The following FAM72D variants were observed in gnomAD, a reference collection of about 807,000 sequenced individuals.
FAM72D encodes the protein RUMY family member 4.
For synonymous variants in FAM72D, 4 were observed against 35.1 expected (o/e 0.11, Z 3.13); for missense variants, 9 against 104.7 (o/e 0.09, Z 3.99).
chr1:145,102,698 C>T (rs1438506920), intron 2 of FAM72D, among the ~76,000 whole-genome samples: 3 of 100,538 alleles, frequency 3.0e-5, no homozygotes, highest in Non-Finnish European at 6.3e-5. Flanking sequence ...ACCTGGGAGG[C>T]GGAGGTTGCA....
intron 2 of FAM72D, among the ~76,000 whole-genome samples, chr1:145,100,822 G>A (rs1333001755): frequency 9.9e-5 from 15 of 150,952 alleles, no homozygotes; most frequent in Admixed American, 8.5e-4. Context: ...TTTTAGTAGA[G>A]ACAGGATTTC....
chr1:145,107,618 C>T (rs1190742057), intron 3 of FAM72D, among the ~76,000 whole-genome samples: 88 of 75,234 alleles, frequency 1.2e-3, no homozygotes, highest in African/African-American at 4.4e-3. Context: ...AGAGCAGTGG[C>T]GTGATCTCGG....
At chr1:145,101,950 C>G (rs1246111967) in intron 2 of FAM72D, among the ~76,000 whole-genome samples, 5 of 106,614 alleles carry the variant, frequency 4.7e-5, no homozygotes, top group Admixed American at 4.5e-4. Flanking sequence ...TAAGACTAAG[C>G]TTGAATAAGA....
chr1:145,100,531 G>T (rs9802973), intron 2 of FAM72D, among the ~76,000 whole-genome samples: 1 of 127,988 alleles, frequency 7.8e-6, no homozygotes, highest in Non-Finnish European at 1.6e-5. Flanking sequence ...TTGCTCTGTC[G>T]CCCAGGCTAG....
At chr1:145,101,894 C>A (rs1237574845) in intron 2 of FAM72D, among the ~76,000 whole-genome samples, 1 of 111,498 alleles carries the variant, frequency 9.0e-6, no homozygotes, top group Non-Finnish European at 1.8e-5. Context: ...TTATAGTAAT[C>A]TTTATTGGGT....
chr1:145,107,386 A>G (rs1470057167), intron 3 of FAM72D, among the ~76,000 whole-genome samples: 1 of 117,340 alleles, frequency 8.5e-6, no homozygotes, highest in Non-Finnish European at 1.7e-5. Context: ...GCGAGATTAC[A>G]GGCATACGCC....
In FAM72D at chr1:145,112,395, G is replaced by A. The variant is rs1432513988; in HGVS notation, c.*798G>A. On this transcript the variant is annotated 3_prime_UTR_variant, in exon 4 of 4. Transcript: ENST00000400889. ...ACTAAAGCGATTTGCTTAAGCCATT[G>A]TACATTATAAAGAGCTGTTTTGTTT... is the stretch of plus-strand genomic sequence containing the variant. The A allele has an allele frequency of 6.6e-6, 1 of 151,116 alleles. No individual in the cohort carries two copies. The highest frequency in any genetic ancestry group is 2.4e-5 in the African/African-American group (1 of 40,826). 9.4% of individuals were successfully genotyped at this position (151,116 alleles called of 1,614,324 possible).
intron 3 of FAM72D, among the ~76,000 whole-genome samples, chr1:145,107,626 C>T (rs1203896677): frequency 2.7e-5 from 2 of 74,590 alleles, no homozygotes; most frequent in East Asian, 3.2e-4. Flanking sequence ...GGCGTGATCT[C>T]GGCTCACCGC....
chr1:145,106,654 AGTCTTAAGTGGGTGTG>A (rs1369133419), intron 3 of FAM72D, among the ~76,000 whole-genome samples: 1 of 139,602 alleles, frequency 7.2e-6, no homozygotes, highest in Non-Finnish European at 1.5e-5. Context: ...TTAAGTTTGC[AGTCTTAAGTGGGTGTG>A]GTCTTAAGTG....
intron 3 of FAM72D, among the ~76,000 whole-genome samples, chr1:145,107,082 C>T (rs1181867928): frequency 2.8e-4 from 28 of 98,286 alleles, no homozygotes; most frequent in Non-Finnish European, 4.8e-4. Context: ...TGCAGTAAGC[C>T]GAGGTGGCAC....
intron 3 of FAM72D, among the ~76,000 whole-genome samples, chr1:145,105,691 G>A (rs9723166): frequency 5.3e-5 from 8 of 150,664 alleles, no homozygotes; most frequent in African/African-American, 1.7e-4. Context: ...GGTGGCTCAC[G>A]CCTGTAATCC....
At chr1:145,100,595 G>A (rs1434391428) in intron 2 of FAM72D, among the ~76,000 whole-genome samples, 5 of 138,728 alleles carry the variant, frequency 3.6e-5, no homozygotes, top group African/African-American at 1.1e-4. Flanking sequence ...AGGTTCAAGC[G>A]AATCTCCTGC....
At chr1:145,105,883 C>T (rs9778192) in intron 3 of FAM72D, among the ~76,000 whole-genome samples, 14 of 140,528 alleles carry the variant, frequency 1.0e-4, no homozygotes, top group Admixed American at 2.9e-4. Context: ...ACCCGGGAGG[C>T]GGAGGTTGCG....
chr1:145,105,719 A>G (rs1295547566), intron 3 of FAM72D, among the ~76,000 whole-genome samples: 10 of 150,712 alleles, frequency 6.6e-5, no homozygotes, highest in Non-Finnish European at 1.3e-4. Flanking sequence ...TTGGGAGGCC[A>G]AGGCGGGCAG....
chr1:145,112,282 A>G lies in FAM72D; in HGVS notation c.*685A>G, dbSNP rs1332664625. 1.3e-5 allele frequency: 2 copies of G among 150,376 alleles called. No individual in the cohort carries two copies. The highest frequency in any genetic ancestry group is 3.0e-5 in the Non-Finnish European group (2 of 67,556). The allele number at this position is 150,376 out of a possible 1,614,324, so 9.3% of individuals were successfully genotyped here. A position where few individuals can be genotyped will look rare whatever the true frequency, so the allele number is the denominator to read the frequency against. ...ATATTGTATTATGAGAGCTAAACCT[A>G]AATAAGTTATCCTGTTCCCTAGGAC... On this transcript the variant is annotated 3_prime_UTR_variant, in exon 4 of 4. Coordinates refer to ENST00000400889, the MANE Select transcript of FAM72D (RefSeq NM_207418.3).
rs190790581 is a variant in FAM72D at position 145,104,173 on chromosome 1, T to G, written c.355+1042T>G. ...CTCAAAAAAGAAAAAAAAAATGCTT[T>G]ATTGCTAAAAACTGCTAATGATCAT... On this transcript the variant is annotated intron_variant, in intron 3 of 3. Transcript: ENST00000400889. Among the ~76,000 whole-genome samples, 199 of 149,504 alleles carry G rather than the reference T, an allele frequency of 1.3e-3. 3 individuals carry two copies. The highest frequency in any genetic ancestry group is 4.0e-3 in the South Asian group (19 of 4,772).
At chr1:145,102,614 A>G (rs1226471082) in intron 2 of FAM72D, among the ~76,000 whole-genome samples, 2 of 29,500 alleles carry the variant, frequency 6.8e-5, no homozygotes, top group Non-Finnish European at 1.3e-4. Context: ...TAATAACACA[A>G]AAGTTAGCTG....
At chr1:145,105,271 A>G (rs1654864413) in intron 3 of FAM72D, among the ~76,000 whole-genome samples, 1 of 10,644 alleles carries the variant, frequency 9.4e-5, no homozygotes, top group African/African-American at 3.8e-4. Flanking sequence ...ATCCTCTAAC[A>G]AGAGATTCAG....
intron 3 of FAM72D, among the ~76,000 whole-genome samples, chr1:145,106,919 T>C (rs369416558): frequency 0.78 from 56,580 of 72,784 alleles, 22,996 homozygotes; most frequent in African/African-American, 0.93. Context: ...TGAGGTATGC[T>C]TATACTAATT....
Sources: allele counts gnomAD v4.1 joint callset (sites outside exome capture counted in the v4.1 genomes callset), GRCh38; gene constraint gnomAD v4.1.1; transcripts MANE v1.5; gene names NCBI Gene and HGNC (gene_info 2026-07-23, HGNC 2026-07-21).